VWC2: variants seen among roughly 807,000 people sequenced by gnomAD.
VWC2 encodes the protein von Willebrand factor C domain containing 2.
VWC2 carries 14 observed loss-of-function variants against 29.8 expected under a neutral mutation model. That is an observed-to-expected ratio of 0.47 (90% CI 0.31 to 0.74). The LOEUF is 0.74. Among genes scored for constraint, VWC2 ranks in the 30% least tolerant of loss-of-function variants. The pLI, the probability that VWC2 is intolerant of heterozygous loss-of-function variation, is 0.05. For synonymous variants in VWC2, 213 were observed against 199.0 expected (o/e 1.07, Z -0.59); for missense variants, 457 against 459.8 (o/e 0.99, Z 0.05).
chr7:49,775,385 C>T lies in VWC2; in HGVS notation c.-51C>T. 7.6e-7 allele frequency: 1 copy of T among 1,316,362 alleles called. No homozygotes were observed. Among genetic ancestry groups the T allele is most frequent in the South Asian group, 2.0e-5 (1 of 49,018 alleles). The allele number at this position is 1,316,362 out of a possible 1,614,324, so 81.5% of individuals were successfully genotyped here. A position where few individuals can be genotyped will look rare whatever the true frequency, so the allele number is the denominator to read the frequency against. The stretch of plus-strand genomic sequence containing the variant: ...GCGCCCCCGGGCTGTGAATGCGACT[C>T]GCCCCTCGGCCGCGCTCCCCGCCCG... On this transcript the variant is annotated 5_prime_UTR_variant, in exon 2 of 4. Coordinates refer to ENST00000340652, the MANE Select transcript of VWC2 (RefSeq NM_198570.5).
rs1465114283 is a variant in VWC2, at chr7:49,877,482, ATAT to A, written c.827-34551_827-34549del. Reference sequence around the variant, plus strand: ...TGTCTCAAAAAAAAAAAAAAAAAAAATATATATATATATATATATATATATATA... The same window carrying A: ...TGTCTCAAAAAAAAAAAAAAAAAAAAATATATATATATATATATATATATA... On this transcript the variant is annotated intron_variant, in intron 3 of 3. Coordinates refer to ENST00000340652, the MANE Select transcript of VWC2 (RefSeq NM_198570.5). 4.7e-3 allele frequency among the ~76,000 whole-genome samples: 96 copies of A among 20,344 alleles called. 22 individuals carry two copies. The highest frequency in any genetic ancestry group is 0.014 in the East Asian group (7 of 490). 13.3% of individuals were successfully genotyped at this position (20,344 alleles called of 152,430 possible).
In VWC2 at chr7:49,916,823, G is replaced by C. The variant is rs1371560088; in HGVS notation, c.*4638G>C. The C allele has an allele frequency of 6.6e-6, 1 of 152,158 alleles. No homozygotes were observed. Among genetic ancestry groups the C allele is most frequent in the Non-Finnish European group, 1.5e-5 (1 of 68,036 alleles). The allele number at this position is 152,158 out of a possible 1,614,324, so 9.4% of individuals were successfully genotyped here. On this transcript the variant is annotated 3_prime_UTR_variant, in exon 4 of 4. Transcript: ENST00000340652. ...ACAAGTATCAAATATCTAAGTCACAGAACCCAGAGACACATCAAATACCCC... is the reference window on the plus strand; with the variant it reads ...ACAAGTATCAAATATCTAAGTCACACAACCCAGAGACACATCAAATACCCC...
chr7:49,899,578 G>A (rs1053506417), intron 3 of VWC2, among the ~76,000 whole-genome samples: 1 of 151,908 alleles, frequency 6.6e-6, no homozygotes, highest in African/African-American at 2.4e-5. Context: ...TCAGCCAGAG[G>A]GAGGTATTAT....
rs1206559034 is a variant in VWC2 at position 49,823,695 on chromosome 7, G to T, written c.826+20855G>T. On this transcript the variant is annotated intron_variant, in intron 3 of 3. Transcript: ENST00000340652. ...AACTGCCTGCATAAAGGAATTGAAA[G>T]TTTTCAGCCATGACATCAAATGTAG... Among the ~76,000 whole-genome samples, 3 of 152,156 alleles carry T rather than the reference G, an allele frequency of 2.0e-5. No individual in the cohort carries two copies. The East Asian group carries it at 5.8e-4, about 29-fold the overall frequency.
intron 3 of VWC2, among the ~76,000 whole-genome samples, chr7:49,863,987 C>A (rs1420766170): frequency 1.3e-5 from 2 of 151,788 alleles, no homozygotes. Context: ...AATATTTTCC[C>A]TTTAGTTTTG....
In VWC2 at chr7:49,774,497, G is replaced by A. The variant is rs115103131; in HGVS notation, c.-104+384G>A. 2.7e-3 allele frequency among the ~76,000 whole-genome samples: 415 copies of A among 152,360 alleles called. 1 individual carries two copies. The highest frequency in any genetic ancestry group is 9.7e-3 in the African/African-American group (403 of 41,592). ...ATCCAGAAAGGCTGGCCGGGATCCA[G>A]CGAGTAGGAGGGTCTCGCGCCCACT... On this transcript the variant is annotated intron_variant, in intron 1 of 3. Transcript: ENST00000340652.
chr7:49,853,224 C>G (rs1278302130), intron 3 of VWC2, among the ~76,000 whole-genome samples: 4 of 152,224 alleles, frequency 2.6e-5, no homozygotes, highest in African/African-American at 9.6e-5. Flanking sequence ...CTCTTGCTGC[C>G]GTGTGGAGTG....
intron 3 of VWC2, among the ~76,000 whole-genome samples, chr7:49,877,727 G>T (rs1329608342): frequency 6.7e-6 from 1 of 149,622 alleles, no homozygotes; most frequent in African/African-American, 2.5e-5. Flanking sequence ...TTTACACTCT[G>T]GAGAGCCACT....
At position 49,773,701 on chromosome 7, in the gene VWC2, T is replaced by TCCCTCC. The variant is rs1173564205; in HGVS notation, c.-515_-510dup. 6.6e-6 allele frequency: 1 copy of TCCCTCC among 151,548 alleles called. No homozygotes were observed. The highest frequency in any genetic ancestry group is 2.4e-5 in the African/African-American group (1 of 41,166). 9.4% of individuals were successfully genotyped at this position (151,548 alleles called of 1,614,324 possible). A position where few individuals can be genotyped will look rare whatever the true frequency, so the allele number is the denominator to read the frequency against. On this transcript the variant is annotated 5_prime_UTR_variant, in exon 1 of 4. Transcript: ENST00000340652. ...CCGGCCGCGCTCCGGGCTTCTCTTT[T>TCCCTCC]CCCTCCGACGCGCCACGGCTGCCCA... is the stretch of plus-strand genomic sequence containing the variant.
intron 2 of VWC2, among the ~76,000 whole-genome samples, chr7:49,787,191 A>C (rs936027230): frequency 1.3e-5 from 2 of 152,190 alleles, no homozygotes; most frequent in African/African-American, 4.8e-5. Flanking sequence ...TTCCTTTCCT[A>C]CTGCTCTGTG....
intron 2 of VWC2, among the ~76,000 whole-genome samples, chr7:49,792,699 C>T (rs1444258915): frequency 6.6e-6 from 1 of 152,220 alleles, no homozygotes; most frequent in Non-Finnish European, 1.5e-5. Context: ...CAGAGGTCTC[C>T]CCATCTGCGC....
chr7:49,899,415 C>G (rs1240459182), intron 3 of VWC2, among the ~76,000 whole-genome samples: 1 of 151,888 alleles, frequency 6.6e-6, no homozygotes, highest in East Asian at 1.9e-4. Context: ...GTAACTGAAA[C>G]CATGGAAAGC....
chr7:49,775,487 G>T lies in VWC2; in HGVS notation c.52G>T (p.Val18Phe). 6.4e-7 allele frequency: 1 copy of T among 1,555,532 alleles called. No individual in the cohort carries two copies. Among genetic ancestry groups the T allele is most frequent in the Non-Finnish European group, 8.6e-7 (1 of 1,156,842 alleles). Reference sequence around the variant, plus strand: ...TGGCGCGCTCTCCAGTTCCCTCCTGGTCACCTGCTGCCTGATGGTGGCTCT... The same window carrying T: ...TGGCGCGCTCTCCAGTTCCCTCCTGTTCACCTGCTGCCTGATGGTGGCTCT... ...AVGALSSSLL[V>F]TCCLMVALCS... The change falls in exon 2 of 4, where the codon GTC becomes TTC. Residue 18 changes from valine to phenylalanine, a missense_variant. By Grantham distance (50) the Val-to-Phe change is conservative. Around this residue, in one of 2 missense-constraint regions of VWC2, gnomAD observed 272 missense variants for 202.7 expected, o/e 1.34. Transcript: ENST00000340652.
At chr7:49,794,831 C>T (rs1233247679) in intron 2 of VWC2, among the ~76,000 whole-genome samples, 1 of 152,180 alleles carries the variant, frequency 6.6e-6, no homozygotes, top group Non-Finnish European at 1.5e-5. Context: ...ATGTGGTCCT[C>T]TTCTCTTTTC....
At chr7:49,875,613 CGCCTT>C (rs1562746363) in intron 3 of VWC2, among the ~76,000 whole-genome samples, 2 of 151,810 alleles carry the variant, frequency 1.3e-5, no homozygotes, top group African/African-American at 4.8e-5. Flanking sequence ...GGAAACCCAC[CGCCTT>C]CCAGTATCAG....
At chr7:49,837,173 TTTAAA>T (rs1231926625) in intron 3 of VWC2, among the ~76,000 whole-genome samples, 3 of 152,242 alleles carry the variant, frequency 2.0e-5, no homozygotes, top group Non-Finnish European at 2.9e-5. Context: ...ATGTGCAGAC[TTTAAA>T]TTAAGAATTG....
chr7:49,887,025 T>C lies in VWC2; in HGVS notation c.827-25009T>C, dbSNP rs528593719. Among the ~76,000 whole-genome samples the C allele has an allele frequency of 4.6e-5, 7 of 152,352 alleles. No individual in the cohort carries two copies. In the South Asian group the frequency reaches 1.4e-3, roughly 32 times the overall value. Reference sequence around the variant, plus strand: ...TTCAAGGCAAATTTTAAGTACTTTTTTGCAGAAGATTTATTTTAAACCATC... The same window carrying C: ...TTCAAGGCAAATTTTAAGTACTTTTCTGCAGAAGATTTATTTTAAACCATC... On this transcript the variant is annotated intron_variant, in intron 3 of 3. Transcript: ENST00000340652.
At chr7:49,828,051 T>A (rs1022930004) in intron 3 of VWC2, among the ~76,000 whole-genome samples, 5 of 152,154 alleles carry the variant, frequency 3.3e-5, no homozygotes, top group Admixed American at 3.3e-4. Flanking sequence ...CTGCCAGAAA[T>A]ACCTACTTCC....
chr7:49,907,335 C>A (rs1793159225), intron 3 of VWC2, among the ~76,000 whole-genome samples: 1 of 152,032 alleles, frequency 6.6e-6, no homozygotes, highest in South Asian at 2.1e-4. Flanking sequence ...AGTGATAATA[C>A]AACCACACAG....
Sources: gnomAD v4.1 joint callset for allele counts (sites outside exome capture counted in the v4.1 genomes callset) on GRCh38, gnomAD v4.1.1 for gene constraint, gnomAD v4.1.1 regional missense constraint, MANE v1.5 for transcripts, NCBI Gene and HGNC (gene_info 2026-07-23, HGNC 2026-07-21) for gene names.